VPS13B: variants seen among roughly 807,000 people sequenced by gnomAD.
VPS13B encodes vacuolar protein sorting 13 homolog B.
A neutral mutation model predicts 426.4 loss-of-function variants in VPS13B; 285 were observed. The ratio of observed to expected loss-of-function variants is 0.67; its 90% confidence interval spans 0.61 to 0.74. The LOEUF is 0.74. Ranked by LOEUF, VPS13B falls within the 30% of genes least tolerant of loss-of-function variation. The pLI, the probability that VPS13B is intolerant of heterozygous loss-of-function variation, is 0.00. For synonymous variants in VPS13B, 1,676 were observed against 1,676.4 expected (o/e 1.00, Z 0.01); for missense variants, 4,537 against 4,782.6 (o/e 0.95, Z 1.51).
intron 23 of VPS13B, among the ~76,000 whole-genome samples, chr8:99,443,615 A>C (rs1449593730): frequency 6.6e-6 from 1 of 152,112 alleles, no homozygotes; most frequent in Admixed American, 6.5e-5. Context: ...TCTTTCATTT[A>C]ATATTTTTAA....
At chr8:99,382,957 C>T (rs936654600) in intron 19 of VPS13B, among the ~76,000 whole-genome samples, 10 of 152,092 alleles carry the variant, frequency 6.6e-5, no homozygotes, top group South Asian at 4.1e-4. Context: ...CTATATGCTA[C>T]GGGTTTGGCT....
chr8:99,650,868 C>G (rs925205981), intron 34 of VPS13B, among the ~76,000 whole-genome samples: 1 of 152,258 alleles, frequency 6.6e-6, no homozygotes, highest in African/African-American at 2.4e-5. Context: ...GTATTCCAAA[C>G]AAAATTGCAT....
chr8:99,832,042 C>T (rs192251252), intron 51 of VPS13B, among the ~76,000 whole-genome samples: 11 of 152,216 alleles, frequency 7.2e-5, no homozygotes, highest in African/African-American at 2.6e-4. Flanking sequence ...GGGCGGATCA[C>T]TTGAGGTCAG....
intron 33 of VPS13B, among the ~76,000 whole-genome samples, chr8:99,590,361 T>C (rs1005817252): frequency 6.6e-6 from 1 of 152,224 alleles, no homozygotes; most frequent in African/African-American, 2.4e-5. Context: ...TCTTAGTTGT[T>C]TCTTGCCTTC....
At chr8:99,818,355 C>G in intron 45 of VPS13B, 96 bp from the exon 46 acceptor site, 1 of 1,280,396 alleles carries the variant, frequency 7.8e-7, no homozygotes, top group Non-Finnish European at 1.1e-6. Context: ...ACTTTAAACT[C>G]TTTTTAATCT....
At chr8:99,281,895 A>G (rs1819193483) in intron 19 of VPS13B, among the ~76,000 whole-genome samples, 1 of 152,212 alleles carries the variant, frequency 6.6e-6, no homozygotes, top group Non-Finnish European at 1.5e-5. Context: ...TAATCAATAC[A>G]TCTGTTTTCA....
chr8:99,661,394 T>A lies in VPS13B; in HGVS notation c.5949T>A (p.Thr1983=). Residue 1983 remains threonine, a synonymous_variant, in exon 35 of 62, where the codon ACT becomes ACA. Transcript: ENST00000357162. ...KTLPEALDYC[T]VWLQTVPGEI... The stretch of plus-strand genomic sequence containing the variant: ...TGCCTGAAGCCCTTGATTATTGCAC[T>A]GTTTGGCTACAGACAGTGCCTGGAG... 1 of 1,613,846 alleles carries A rather than the reference T, an allele frequency of 6.2e-7. No individual in the cohort carries two copies. Among genetic ancestry groups the A allele is most frequent in the Non-Finnish European group, 8.5e-7 (1 of 1,179,844 alleles).
At chr8:99,059,467 TACCC>T (rs1844060958) in intron 3 of VPS13B, among the ~76,000 whole-genome samples, 1 of 152,090 alleles carries the variant, frequency 6.6e-6, no homozygotes, top group African/African-American at 2.4e-5. Context: ...TGAGCCACCA[TACCC>T]AGCCTCTTTT....
At chr8:99,483,919 C>CAA (rs1365320656) in intron 25 of VPS13B, among the ~76,000 whole-genome samples, 2 of 151,770 alleles carry the variant, frequency 1.3e-5, no homozygotes, top group Non-Finnish European at 2.9e-5. Context: ...ACAAACAACA[C>CAA]AAAAGGACAT....
intron 17 of VPS13B, among the ~76,000 whole-genome samples, chr8:99,220,780 C>CTTTTTTTTTTTT (rs5893485): frequency 4.4e-5 from 5 of 112,926 alleles, no homozygotes; most frequent in East Asian, 5.4e-4. Flanking sequence ...TAGTTTTATT[C>CTTTTTTTTTTTT]TTTTTTTTTT....
chr8:99,457,122 C>G (rs888480321), intron 23 of VPS13B, among the ~76,000 whole-genome samples: 1 of 151,622 alleles, frequency 6.6e-6, no homozygotes, highest in Admixed American at 6.6e-5. Context: ...ATCTCTGCCT[C>G]CCGGGTTCAA....
chr8:99,728,832 A>G (rs1468594466), intron 39 of VPS13B, among the ~76,000 whole-genome samples: 2 of 152,230 alleles, frequency 1.3e-5, no homozygotes, highest in Non-Finnish European at 2.9e-5. Context: ...CCTGGAAACA[A>G]TTGCAAATTG....
chr8:99,620,492 G>T (rs557194762), intron 33 of VPS13B, among the ~76,000 whole-genome samples: 1 of 152,150 alleles, frequency 6.6e-6, no homozygotes, highest in East Asian at 1.9e-4. Flanking sequence ...AGAAATAAAG[G>T]GTGGGAGGGA....
At chr8:99,374,219 G>C (rs1276090307) in intron 19 of VPS13B, among the ~76,000 whole-genome samples, 2 of 150,662 alleles carry the variant, frequency 1.3e-5, no homozygotes, top group East Asian at 1.9e-4. Context: ...TCTGCTATCT[G>C]ATGATGATAT....
intron 16 of VPS13B, among the ~76,000 whole-genome samples, chr8:99,175,373 A>G (rs1235536379): frequency 2.0e-5 from 3 of 152,232 alleles, no homozygotes; most frequent in African/African-American, 7.2e-5. Flanking sequence ...CATTTAGCCT[A>G]GAAATATCAA....
intron 54 of VPS13B, among the ~76,000 whole-genome samples, chr8:99,841,348 A>G (rs1815672016): frequency 6.6e-6 from 1 of 152,186 alleles, no homozygotes; most frequent in Non-Finnish European, 1.5e-5. Context: ...TGTCAGCCTG[A>G]AAATCCTACA....
chr8:99,565,690 A>C (rs1297652723), intron 31 of VPS13B, among the ~76,000 whole-genome samples: 2 of 152,102 alleles, frequency 1.3e-5, no homozygotes, highest in African/African-American at 2.4e-5. Flanking sequence ...CAAACATGAG[A>C]TTTTTTCCAG....
At chr8:99,843,551 T>C (rs190726747) in intron 54 of VPS13B, among the ~76,000 whole-genome samples, 1 of 152,298 alleles carries the variant, frequency 6.6e-6, no homozygotes, top group Admixed American at 6.5e-5. Flanking sequence ...TTCCCTGCTG[T>C]TTTATAGGAC....
intron 28 of VPS13B, chr8:99,507,879 C>G (rs754199413): frequency 1.2e-6 from 2 of 1,613,972 alleles, no homozygotes; most frequent in South Asian, 1.1e-5. Flanking sequence ...CAAGCAGGAC[C>G]CTTTCAGTAA....
Sources: allele counts gnomAD v4.1 joint callset (sites outside exome capture counted in the v4.1 genomes callset), GRCh38; gene constraint gnomAD v4.1.1; transcripts MANE v1.5; gene names NCBI Gene and HGNC (gene_info 2026-07-23, HGNC 2026-07-21).